The following NTSR1 variants were observed in gnomAD, a reference collection of about 807,000 sequenced individuals.
NTSR1 encodes the protein neurotensin receptor type 1.
NTSR1 carries 29 observed loss-of-function variants against 31.2 expected under a neutral mutation model. That is an observed-to-expected ratio of 0.93 (90% CI 0.69 to 1.27). The LOEUF is 1.27. NTSR1 is among the 50% of genes most tolerant of loss of function. The pLI is 0.00. For synonymous variants in NTSR1, 282 were observed against 269.9 expected, an observed-to-expected ratio of 1.04 and a Z score of -0.44; for missense variants, 697 against 595.4, an observed-to-expected ratio of 1.17 and a Z score of -1.78.
chr20:62,736,190 A>G (rs11908295), intron 1 of NTSR1, among the ~76,000 whole-genome samples: 17,561 of 152,162 alleles, frequency 0.12, 2,486 homozygotes, highest in African/African-American at 0.31. Flanking sequence ...GGGCAGGGGC[A>G]TCGTGGCTGG....
chr20:62,726,694 C>CA (rs11445641), intron 1 of NTSR1, among the ~76,000 whole-genome samples: 42,877 of 142,412 alleles, frequency 0.3, 6,575 homozygotes, highest in Middle Eastern at 0.39. Context: ...GAACCTGTCT[C>CA]AAAAAAAAAA....
chr20:62,756,774 G>A (rs1401937986), intron 2 of NTSR1: 1 of 152,238 alleles, frequency 6.6e-6, no homozygotes, highest in Non-Finnish European at 1.5e-5. Context: ...TGTTTTAATA[G>A]TAGCCATCCT....
At chr20:62,734,060 C>T (rs73918652) in intron 1 of NTSR1, among the ~76,000 whole-genome samples, 16,118 of 152,172 alleles carry the variant, frequency 0.11, 2,081 homozygotes, top group East Asian at 0.31. Flanking sequence ...CAGATGCACA[C>T]GGCTGGGGCC....
At position 62,709,457 on chromosome 20, in the gene NTSR1, A is replaced by T. The variant is rs540650736; in HGVS notation, c.250A>T (p.Thr84Ser). ...GGTGGGCACGGTGGGCAACACGGTG[A>T]CGGCGTTCACGCTGGCGCGGAAGAA... ...FVVGTVGNTV[T>S]AFTLARKKSL... is the part of the protein sequence containing the mutation. Residue 84 changes from threonine to serine, a missense_variant, in exon 1 of 4, where the codon ACG (threonine) becomes TCG (serine). By Grantham distance (58) the Thr-to-Ser change is moderately conservative. Coordinates refer to ENST00000370501, the MANE Select transcript of NTSR1 (RefSeq NM_002531.3). 1.9e-6 allele frequency: 3 copies of T among 1,612,526 alleles called. No individual in the cohort carries two copies. Among genetic ancestry groups the T allele is most frequent in the Non-Finnish European group, 2.5e-6 (3 of 1,179,790 alleles).
Position 62,709,104 on chromosome 20 carries a change from C to T in NTSR1, c.-104C>T. The T allele has an allele frequency of 1.0e-6, 1 of 971,562 alleles. No individual in the cohort carries two copies. The highest frequency in any genetic ancestry group is 1.4e-6 in the Non-Finnish European group (1 of 715,848). 60.2% of individuals were successfully genotyped at this position (971,562 alleles called of 1,614,324 possible). A position where few individuals can be genotyped will look rare whatever the true frequency, so the allele number is the denominator to read the frequency against. ...CCCGCTGGTCTTCGCCACGCGCCCT[C>T]CCCTGGGCTCCCGTTCATCGGTCCC... On this transcript the variant is annotated 5_prime_UTR_variant, in exon 1 of 4. Coordinates refer to ENST00000370501, the MANE Select transcript of NTSR1 (RefSeq NM_002531.3).
Position 62,709,182 on chromosome 20 carries a change from C to T in NTSR1, c.-26C>T. 1.4e-6 allele frequency: 2 copies of T among 1,393,430 alleles called. No individual in the cohort carries two copies. The highest frequency in any genetic ancestry group is 1.6e-5 in the South Asian group (1 of 62,738). The allele number at this position is 1,393,430 out of a possible 1,614,324, so 86.3% of individuals were successfully genotyped here. ...GACTTCCAGCCCCGGAGGCGCCGGA[C>T]AGAGCCGCGGACTCCAGCGCCCACC... is the stretch of plus-strand genomic sequence containing the variant. On this transcript the variant is annotated 5_prime_UTR_variant, in exon 1 of 4. Coordinates refer to ENST00000370501, the MANE Select transcript of NTSR1 (RefSeq NM_002531.3).
rs139611608 is a variant in NTSR1 at position 62,714,634 on chromosome 20, C to A, written c.714+4713C>A. Among the ~76,000 whole-genome samples the A allele has an allele frequency of 5.3e-5, 8 of 152,312 alleles. No homozygotes were observed. The East Asian group carries it at 1.2e-3, about 22-fold the overall frequency. On this transcript the variant is annotated intron_variant, in intron 1 of 3. Transcript: ENST00000370501. The surrounding 1 kb of genome is among the most constrained non-coding windows in gnomAD (Gnocchi z 4.1). ...GAATCTCATGGAGCCCCTGATCCAA[C>A]ACACAGGACACACCAGGGACAGAGG...
In NTSR1 at chr20:62,709,145, C is replaced by G; in HGVS notation, c.-63C>G. 5.5e-6 allele frequency: 7 copies of G among 1,274,458 alleles called. No homozygotes were observed. The highest frequency in any genetic ancestry group is 7.1e-6 in the Non-Finnish European group (7 of 982,944). The allele number at this position is 1,274,458 out of a possible 1,614,324, so 78.9% of individuals were successfully genotyped here. ...CATCGGTCCCCGCCTGAGACGCGCC[C>G]ACTCCTGCCCGGACTTCCAGCCCCG... On this transcript the variant is annotated 5_prime_UTR_variant, in exon 1 of 4. Transcript: ENST00000370501.
At chr20:62,736,081 G>A (rs927890087) in intron 1 of NTSR1, among the ~76,000 whole-genome samples, 10 of 152,358 alleles carry the variant, frequency 6.6e-5, no homozygotes, top group African/African-American at 2.2e-4. Context: ...CACAAAAGCC[G>A]GGGTATTAGC....
At chr20:62,753,144 C>A (rs1474945785) in intron 1 of NTSR1, among the ~76,000 whole-genome samples, 1 of 152,228 alleles carries the variant, frequency 6.6e-6, no homozygotes, top group Non-Finnish European at 1.5e-5. Context: ...CAGGCCGCCT[C>A]CTTCCTGAAG....
At chr20:62,712,786 T>TG (rs1988641756) in intron 1 of NTSR1, among the ~76,000 whole-genome samples, 1 of 152,232 alleles carries the variant, frequency 6.6e-6, no homozygotes, top group African/African-American at 2.4e-5. Flanking sequence ...GCTTCTTGGA[T>TG]GGTCCCCCAT....
At chr20:62,748,904 G>A (rs750459545) in intron 1 of NTSR1, among the ~76,000 whole-genome samples, 6 of 152,134 alleles carry the variant, frequency 3.9e-5, no homozygotes, top group East Asian at 1.9e-4. Flanking sequence ...CCCATGCCAC[G>A]GCGGAACTTT....
chr20:62,739,291 G>A (rs551285252), intron 1 of NTSR1, among the ~76,000 whole-genome samples: 18 of 152,300 alleles, frequency 1.2e-4, no homozygotes, highest in African/African-American at 4.1e-4. Flanking sequence ...TCCCAGACTC[G>A]GCACTGGATG....
At chr20:62,755,381 A>C (rs1364150051) in intron 2 of NTSR1, among the ~76,000 whole-genome samples, 2 of 116 alleles carry the variant, frequency 0.017, no homozygotes, top group Non-Finnish European at 0.019. Context: ...CCCTCCATCC[A>C]CCCTCCCTCC....
chr20:62,757,699 C>T (rs904614868), intron 2 of NTSR1, among the ~76,000 whole-genome samples: 13 of 152,180 alleles, frequency 8.5e-5, no homozygotes, highest in African/African-American at 3.1e-4. Flanking sequence ...CCTGCATCTC[C>T]CTCAGACCAC....
At position 62,711,907 on chromosome 20, in the gene NTSR1, C is replaced by T. The variant is rs1215676692; in HGVS notation, c.714+1986C>T. Among the ~76,000 whole-genome samples, 2 of 152,244 alleles carry T rather than the reference C, an allele frequency of 1.3e-5. No individual in the cohort carries two copies. The highest frequency in any genetic ancestry group is 2.1e-4 in the South Asian group (1 of 4,838). ...CTCGTCCAATCGCAGAGGCCTGTGA[C>T]GTATCAACCGTAGGACAGCGGCCCC... On this transcript the variant is annotated intron_variant, in intron 1 of 3. Coordinates refer to ENST00000370501, the MANE Select transcript of NTSR1 (RefSeq NM_002531.3). The surrounding 1 kb of genome is among the most constrained non-coding windows in gnomAD (Gnocchi z 6.4).
In NTSR1 at chr20:62,711,757, C is replaced by T. The variant is rs911748949; in HGVS notation, c.714+1836C>T. ...CTCCCCGCGTGCGTGGGCTCTCTGCCAGGTACTTGGGATTGGGCACCTGGG... is the reference window on the plus strand; with the variant it reads ...CTCCCCGCGTGCGTGGGCTCTCTGCTAGGTACTTGGGATTGGGCACCTGGG... On this transcript the variant is annotated intron_variant, in intron 1 of 3. Coordinates refer to ENST00000370501, the MANE Select transcript of NTSR1 (RefSeq NM_002531.3). The surrounding 1 kb of genome is among the most constrained non-coding windows in gnomAD (Gnocchi z 6.4). Among the ~76,000 whole-genome samples, 1 of 152,200 alleles carries T rather than the reference C, an allele frequency of 6.6e-6. No homozygotes were observed. The highest frequency in any genetic ancestry group is 2.4e-5 in the African/African-American group (1 of 41,444).
chr20:62,716,615 G>GTTGGTTGTGGTTC (rs1555810232), intron 1 of NTSR1, among the ~76,000 whole-genome samples: 42 of 151,966 alleles, frequency 2.8e-4, no homozygotes, highest in South Asian at 6.2e-4. Flanking sequence ...GTGAGTCTGT[G>GTTGGTTGTGGTTC]AAAAACAACA....
chr20:62,747,816 A>C (rs1251836712), intron 1 of NTSR1, among the ~76,000 whole-genome samples: 1 of 152,268 alleles, frequency 6.6e-6, no homozygotes, highest in African/African-American at 2.4e-5. Flanking sequence ...ATAAAGTTGC[A>C]GGACACAAAA....
Sources: gnomAD v4.1 joint callset for allele counts (sites outside exome capture counted in the v4.1 genomes callset) on GRCh38, gnomAD v4.1.1 for gene constraint, Gnocchi (gnomAD v3.1) non-coding constraint, MANE v1.5 for transcripts, NCBI Gene and HGNC (gene_info 2026-07-23, HGNC 2026-07-21) for gene names.